Variants in TMTC2 observed in about 807,000 individuals in gnomAD.
TMTC2 encodes protein O-mannosyl-transferase TMTC2.
A neutral mutation model predicts 82.4 loss-of-function variants in TMTC2; 43 were observed. The observed-to-expected ratio is 0.52, with a 90% confidence interval of 0.41 to 0.67. The LOEUF is 0.67. TMTC2 is among the 30% of genes least tolerant of loss of function. TMTC2 has a pLI of 0.00. For missense variants in TMTC2, 919 were observed against 1,012.4 expected (o/e 0.91, Z 1.25); for synonymous variants, 408 against 381.9 (o/e 1.07, Z -0.80).
chr12:82,938,436 A>AGTAGG (rs1352127231), intron 4 of TMTC2, among the ~76,000 whole-genome samples: 1 of 152,140 alleles, frequency 6.6e-6, no homozygotes, highest in African/African-American at 2.4e-5. Flanking sequence ...CAAGCTCCAT[A>AGTAGG]GTAGGGATAT....
intron 4 of TMTC2, among the ~76,000 whole-genome samples, chr12:82,942,105 T>C (rs766358875): frequency 2.6e-5 from 4 of 152,230 alleles, no homozygotes; most frequent in African/African-American, 2.4e-5. Flanking sequence ...CTCTTTTCTT[T>C]CTTCCTACCA....
At chr12:82,953,821 A>C (rs1877473408) in intron 4 of TMTC2, among the ~76,000 whole-genome samples, 2 of 133,468 alleles carry the variant, frequency 1.5e-5, no homozygotes, top group Non-Finnish European at 3.2e-5. Context: ...AGTATCTAAA[A>C]TTTATGTTTT....
At chr12:83,033,810 A>G (rs35849881) in intron 9 of TMTC2, among the ~76,000 whole-genome samples, 94,190 of 147,538 alleles carry the variant, frequency 0.64, 30,810 homozygotes, top group South Asian at 0.74. Flanking sequence ...ATACACATAT[A>G]TGTGTGTGTG....
intron 3 of TMTC2, among the ~76,000 whole-genome samples, chr12:82,921,827 G>A (rs530032423): frequency 6.6e-6 from 1 of 152,044 alleles, no homozygotes; most frequent in South Asian, 2.1e-4. Context: ...GCTGGGTGCA[G>A]TGACTCATTC....
chr12:82,936,930 A>G (rs1956715903), intron 4 of TMTC2, among the ~76,000 whole-genome samples: 1 of 152,170 alleles, frequency 6.6e-6, no homozygotes, highest in African/African-American at 2.4e-5. Flanking sequence ...AGTAGAAAAT[A>G]TCCTATTTTT....
At chr12:83,129,388 A>G (rs1368241102) in intron 11 of TMTC2, among the ~76,000 whole-genome samples, 1 of 152,202 alleles carries the variant, frequency 6.6e-6, no homozygotes, top group East Asian at 1.9e-4. Context: ...ACCCCATTAC[A>G]ATTAGCATTT....
At chr12:82,900,864 T>TATATATATATAGGAATATATATACCTGGA (rs1368308798) in intron 3 of TMTC2, among the ~76,000 whole-genome samples, 1 of 125,256 alleles carries the variant, frequency 8.0e-6, no homozygotes, top group Admixed American at 9.0e-5. Flanking sequence ...ATACCTGGAA[T>TATATATATATAGGAATATATATACCTGGA]ATATATATAT....
At chr12:83,042,910 C>T (rs555675297) in intron 9 of TMTC2, among the ~76,000 whole-genome samples, 1 of 152,290 alleles carries the variant, frequency 6.6e-6, no homozygotes, top group South Asian at 2.1e-4. Context: ...CTCCCAGTCT[C>T]ACAATAAGCA....
At chr12:82,945,912 T>C (rs544926940) in intron 4 of TMTC2, among the ~76,000 whole-genome samples, 2 of 152,224 alleles carry the variant, frequency 1.3e-5, no homozygotes, top group Admixed American at 6.5e-5. Context: ...ATTTAGATGA[T>C]AGTGAATTTA....
intron 11 of TMTC2, among the ~76,000 whole-genome samples, chr12:83,079,474 T>A (rs1021425785): frequency 6.6e-6 from 1 of 152,052 alleles, no homozygotes; most frequent in Non-Finnish European, 1.5e-5. Context: ...CTCAACAGAG[T>A]TCAAGTATCA....
intron 1 of TMTC2, among the ~76,000 whole-genome samples, chr12:82,711,545 T>C (rs994979850): frequency 2.6e-5 from 4 of 152,210 alleles, no homozygotes; most frequent in African/African-American, 9.6e-5. Context: ...TAGAAACCAC[T>C]GATTTGGATA....
At chr12:83,004,476 T>C (rs1205117089) in intron 8 of TMTC2, among the ~76,000 whole-genome samples, 2 of 152,202 alleles carry the variant, frequency 1.3e-5, no homozygotes, top group Non-Finnish European at 2.9e-5. Flanking sequence ...TTGCCAGAGT[T>C]CTTGTGCTGA....
intron 1 of TMTC2, among the ~76,000 whole-genome samples, chr12:82,773,947 G>A (rs184775599): frequency 1.3e-5 from 2 of 152,160 alleles, no homozygotes; most frequent in East Asian, 3.9e-4. Context: ...TGTGGTATAA[G>A]CTATGTATAT....
intron 11 of TMTC2, among the ~76,000 whole-genome samples, chr12:83,068,112 A>C (rs1254723080): frequency 2.6e-5 from 4 of 152,092 alleles, no homozygotes; most frequent in African/African-American, 9.7e-5. Flanking sequence ...TATTGACAAA[A>C]AGCAGCTGTG....
chr12:82,783,790 A>G (rs1389948907), intron 1 of TMTC2, among the ~76,000 whole-genome samples: 1 of 152,000 alleles, frequency 6.6e-6, no homozygotes, highest in Admixed American at 6.6e-5. Context: ...GAAGTGAAGG[A>G]ATGGAGGAGC....
Position 82,850,282 on chromosome 12 carries a change from A to G in TMTC2, c.84-6728A>G, listed in dbSNP as rs558462005. On this transcript the variant is annotated intron_variant, in intron 1 of 11. Transcript: ENST00000321196. ...AAAGCGTCATTAACATTATCTGTAA[A>G]CCATAGGTATGGAAATGGAGCTTTA... Among the ~76,000 whole-genome samples, 37 of 152,266 alleles carry G rather than the reference A, an allele frequency of 2.4e-4. 1 individual carries two copies. In the South Asian group the frequency reaches 7.2e-3, roughly 30 times the overall value.
chr12:82,778,429 C>G (rs188154326), intron 1 of TMTC2, among the ~76,000 whole-genome samples: 2 of 152,206 alleles, frequency 1.3e-5, no homozygotes, highest in East Asian at 3.9e-4. Context: ...ATTAAGAATT[C>G]TCATGGCTGG....
chr12:82,949,205 A>T (rs1030313622), intron 4 of TMTC2, among the ~76,000 whole-genome samples: 3 of 152,232 alleles, frequency 2.0e-5, no homozygotes, highest in African/African-American at 7.2e-5. Flanking sequence ...TAAAGATTAG[A>T]CGTCCATGTT....
At chr12:82,773,029 A>G (rs1416293740) in intron 1 of TMTC2, among the ~76,000 whole-genome samples, 1 of 152,212 alleles carries the variant, frequency 6.6e-6, no homozygotes, top group Admixed American at 6.5e-5. Flanking sequence ...TGGTATTGTC[A>G]TGAATATGTA....
Sources: allele counts gnomAD v4.1 joint callset (sites outside exome capture counted in the v4.1 genomes callset), GRCh38; gene constraint gnomAD v4.1.1; transcripts MANE v1.5; gene names NCBI Gene and HGNC (gene_info 2026-07-23, HGNC 2026-07-21).